ACO2: variants seen among roughly 807,000 people sequenced by gnomAD.
ACO2 encodes the protein aconitate hydratase, mitochondrial.
A neutral mutation model predicts 84.5 loss-of-function variants in ACO2; 31 were observed. The ratio of observed to expected loss-of-function variants is 0.37; its 90% confidence interval spans 0.28 to 0.50. ACO2 has a LOEUF of 0.50. Among genes scored for constraint, ACO2 ranks in the 20% least tolerant of loss-of-function variants. The pLI, the probability that ACO2 is intolerant of heterozygous loss-of-function variation, is 0.97. For missense variants in ACO2, 685 were observed against 1,029.3 expected (o/e 0.67, Z 4.58); for synonymous variants, 414 against 412.7 (o/e 1.00, Z -0.04).
Position 41,528,898 on chromosome 22 carries a change from G to A in ACO2, c.*285G>A. 5.7e-6 allele frequency: 3 copies of A among 522,886 alleles called. No homozygotes were observed. Among genetic ancestry groups the A allele is most frequent in the South Asian group, 5.2e-5 (2 of 38,646 alleles). The allele number at this position is 522,886 out of a possible 1,614,324, so 32.4% of individuals were successfully genotyped here. Reference sequence around the variant, plus strand: ...GACTCCCATCTAAAGTTTTTCTCCTGCCTGATCATTTCATTGGTGGCTGAA... The same window carrying A: ...GACTCCCATCTAAAGTTTTTCTCCTACCTGATCATTTCATTGGTGGCTGAA... On this transcript the variant is annotated 3_prime_UTR_variant, in exon 18 of 18. Transcript: ENST00000216254.
intron 4 of ACO2, 44 bp downstream of exon 4, chr22:41,512,012 G>T: frequency 6.5e-7 from 1 of 1,537,462 alleles, no homozygotes; most frequent in South Asian, 1.2e-5. Context: ...CCAAGCCAGA[G>T]AAGTATGTTC....
intron 1 of ACO2, among the ~76,000 whole-genome samples, chr22:41,479,895 T>C (rs867393407): frequency 6.6e-6 from 1 of 152,212 alleles, no homozygotes; most frequent in Non-Finnish European, 1.5e-5. Flanking sequence ...GAATCTGTCA[T>C]CAGCCTATTC....
At chr22:41,521,958 G>T (rs1601924665) in intron 9 of ACO2, among the ~76,000 whole-genome samples, 1 of 152,166 alleles carries the variant, frequency 6.6e-6, no homozygotes, top group Non-Finnish European at 1.5e-5. Flanking sequence ...TTTTAGTAGA[G>T]ATGGGGGTTT....
At chr22:41,487,652 G>T (rs1037898089) in intron 1 of ACO2, among the ~76,000 whole-genome samples, 1 of 152,038 alleles carries the variant, frequency 6.6e-6, no homozygotes, top group Non-Finnish European at 1.5e-5. Flanking sequence ...AATTCTTGGT[G>T]ATCTGGGGTC....
intron 4 of ACO2, among the ~76,000 whole-genome samples, chr22:41,514,138 T>C (rs2066458073): frequency 6.6e-6 from 1 of 152,198 alleles, no homozygotes; most frequent in South Asian, 2.1e-4. Flanking sequence ...CTTTGGACCT[T>C]AGAGTCTGCT....
chr22:41,528,779 T>G lies in ACO2; in HGVS notation c.*166T>G, dbSNP rs1601940920. The G allele has an allele frequency of 5.9e-6, 6 of 1,018,930 alleles. No homozygotes were observed. Among genetic ancestry groups the G allele is most frequent in the Non-Finnish European group, 6.9e-6 (5 of 729,010 alleles). The allele number at this position is 1,018,930 out of a possible 1,614,324, so 63.1% of individuals were successfully genotyped here. On this transcript the variant is annotated 3_prime_UTR_variant, in exon 18 of 18. Transcript: ENST00000216254. ...AGTGACTGTGGTTGTGGTGGGGGGGTTCTTAAAATAACTTTTTAGCCCCCG... is the reference window on the plus strand; with the variant it reads ...AGTGACTGTGGTTGTGGTGGGGGGGGTCTTAAAATAACTTTTTAGCCCCCG...
At chr22:41,521,460 T>TA (rs1472439731) in intron 9 of ACO2, 4 of 152,234 alleles carry the variant, frequency 2.6e-5, no homozygotes, top group African/African-American at 9.6e-5. Context: ...TCACTGTCTA[T>TA]GTGTGGGTTC....
In ACO2 at chr22:41,515,492, T is replaced by C; in HGVS notation, c.641T>C (p.Val214Ala). The part of the protein sequence containing the change: ...ICIGVGGADA[V>A]DVMAGIPWEL... Reference sequence around the variant, plus strand: ...ATTGGAGTTGGGGGTGCCGATGCTGTGGATGTCATGGCTGGGATCCCCTGG... The same window carrying C: ...ATTGGAGTTGGGGGTGCCGATGCTGCGGATGTCATGGCTGGGATCCCCTGG... Residue 214 changes from valine (V) to alanine (A), a missense_variant, in exon 5 of 18, where the codon GTG becomes GCG. Transcript: ENST00000216254. The surrounding 1 kb of genome is among the most constrained non-coding windows in gnomAD (Gnocchi z 5.8). 1 of 1,613,618 alleles carries C rather than the reference T, an allele frequency of 6.2e-7. No homozygotes were observed. The highest frequency in any genetic ancestry group is 8.5e-7 in the Non-Finnish European group (1 of 1,179,838).
At chr22:41,490,655 T>G (rs2066265345) in intron 1 of ACO2, among the ~76,000 whole-genome samples, 1 of 152,222 alleles carries the variant, frequency 6.6e-6, no homozygotes. Flanking sequence ...CATTTTAATA[T>G]GTATTACCTA....
chr22:41,491,958 C>T (rs1375690404), intron 1 of ACO2, among the ~76,000 whole-genome samples: 5 of 152,056 alleles, frequency 3.3e-5, no homozygotes, highest in South Asian at 2.1e-4. Flanking sequence ...AGGGACTGGC[C>T]GAGATTCTAG....
At chr22:41,486,072 G>T (rs774185440) in intron 1 of ACO2, among the ~76,000 whole-genome samples, 1 of 152,168 alleles carries the variant, frequency 6.6e-6, no homozygotes, top group Admixed American at 6.6e-5. Flanking sequence ...CCCAGGCAGA[G>T]CTTCTCATTC....
At chr22:41,516,666 C>T (rs1188625543) in intron 6 of ACO2, among the ~76,000 whole-genome samples, 2 of 152,192 alleles carry the variant, frequency 1.3e-5, no homozygotes, top group African/African-American at 2.4e-5. Context: ...TACCTGTGAG[C>T]CCCACCAGTT....
In ACO2 at chr22:41,516,134, G is replaced by C. The variant is rs183827939; in HGVS notation, c.835+217G>C. 5.1e-5 allele frequency: 34 copies of C among 672,618 alleles called. No homozygotes were observed. The African/African-American group carries it at 5.9e-4, about 12-fold the overall frequency. The allele number at this position is 672,618 out of a possible 1,614,324, so 41.7% of individuals were successfully genotyped here. A position where few individuals can be genotyped will look rare whatever the true frequency, so the allele number is the denominator to read the frequency against. The stretch of plus-strand genomic sequence containing the variant: ...AGATGAAGAGATTGAGATACCTGTC[G>C]AGGCTGCCGGTGACTTCCTAACTGT... On this transcript the variant is annotated intron_variant, in intron 6 of 17. Transcript: ENST00000216254.
intron 15 of ACO2, chr22:41,527,077 G>A (rs1018321164): frequency 1.4e-5 from 9 of 657,130 alleles, no homozygotes; most frequent in East Asian, 2.8e-5. Context: ...AAACAACCAC[G>A]TGCCTCTGTC....
At chr22:41,526,615 G>A in intron 15 of ACO2, 162 bp downstream of exon 15, 1 of 710,146 alleles carries the variant, frequency 1.4e-6, no homozygotes, top group South Asian at 2.5e-5. Context: ...CCCTCCCTGT[G>A]GCTGAGAAGG....
At chr22:41,481,163 G>C (rs554582939) in intron 1 of ACO2, among the ~76,000 whole-genome samples, 1 of 152,280 alleles carries the variant, frequency 6.6e-6, no homozygotes, top group East Asian at 1.9e-4. Flanking sequence ...TTAAGGCTCA[G>C]AGAGGTAAAG....
chr22:41,515,940 G>A lies in ACO2; in HGVS notation c.835+23G>A, dbSNP rs373316100. 2.9e-5 allele frequency: 47 copies of A among 1,607,794 alleles called. No homozygotes were observed. Among genetic ancestry groups the A allele is most frequent in the Admixed American group, 2.4e-4 (14 of 58,928 alleles). The stretch of plus-strand genomic sequence containing the variant: ...CTGGTGAGGAAGGCGGCCAGGCGAC[G>A]TGGCCCCTACCCTGTGCTGGGCCTG... On this transcript the variant is annotated intron_variant, in intron 6 of 17. Transcript: ENST00000216254. This position sits in a 1 kb window ranked among gnomAD's most constrained non-coding sequence, Gnocchi z 5.8.
At chr22:41,516,343 CCTCA>C (rs2066476168) in intron 6 of ACO2, among the ~76,000 whole-genome samples, 1 of 152,212 alleles carries the variant, frequency 6.6e-6, no homozygotes, top group Non-Finnish European at 1.5e-5. Context: ...GAAGTTCGAG[CCTCA>C]CTCACTTCCC....
rs80018287 is a variant in ACO2, at chr22:41,471,246, G to A, written c.36+2064G>A. Among the ~76,000 whole-genome samples, 4 of 152,258 alleles carry A rather than the reference G, an allele frequency of 2.6e-5. No individual in the cohort carries two copies. In the East Asian group the frequency reaches 5.8e-4, roughly 22 times the overall value. On this transcript the variant is annotated intron_variant, in intron 1 of 17. Transcript: ENST00000216254. ...AAAAATCTAAGACCTTGAGAGCCTG[G>A]GTGACTTCCAGTAGCAGAGTCAGGA...
Sources: gnomAD v4.1 joint callset for allele counts (sites outside exome capture counted in the v4.1 genomes callset) on GRCh38, gnomAD v4.1.1 for gene constraint, Gnocchi (gnomAD v3.1) non-coding constraint, MANE v1.5 for transcripts, NCBI Gene and HGNC (gene_info 2026-07-23, HGNC 2026-07-21) for gene names.